Variants in ZNF804A observed in about 807,000 individuals in gnomAD.
The protein encoded by ZNF804A is zinc finger protein 804A.
Under a neutral mutation model 16.5 loss-of-function variants are expected in ZNF804A, and 2 were observed. The observed-to-expected ratio is 0.12, with a 90% CI of 0.05 to 0.38. The LOEUF (loss-of-function observed/expected upper bound fraction) is 0.38. Among genes scored for constraint, ZNF804A ranks in the 10% least tolerant of loss-of-function variants. The pLI, the probability that ZNF804A is intolerant of heterozygous loss-of-function variation, is 0.99. For synonymous variants in ZNF804A, 534 were observed against 489.6 expected (o/e 1.09, Z -1.20); for missense variants, 1,473 against 1,390.7 (o/e 1.06, Z -0.94).
intron 1 of ZNF804A, among the ~76,000 whole-genome samples, chr2:184,655,675 T>A (rs1169526341): frequency 1.3e-5 from 2 of 152,140 alleles, no homozygotes; most frequent in Non-Finnish European, 2.9e-5. Flanking sequence ...AATGGAATTC[T>A]CTAGAGGTTT....
At chr2:184,611,266 C>T (rs1691233482) in intron 1 of ZNF804A, among the ~76,000 whole-genome samples, 1 of 152,088 alleles carries the variant, frequency 6.6e-6, no homozygotes, top group Admixed American at 6.5e-5. Context: ...CTTAGAATTT[C>T]AACATATACT....
chr2:184,726,190 TAG>T (rs899279334), intron 1 of ZNF804A, among the ~76,000 whole-genome samples: 1 of 151,716 alleles, frequency 6.6e-6, no homozygotes, highest in Non-Finnish European at 1.5e-5. Flanking sequence ...TGCGTATTTC[TAG>T]AGTTTTAAGA....
At chr2:184,861,216 G>A (rs1695795967) in intron 1 of ZNF804A, among the ~76,000 whole-genome samples, 1 of 152,160 alleles carries the variant, frequency 6.6e-6, no homozygotes, top group South Asian at 2.1e-4. Flanking sequence ...TTCCTCATGT[G>A]GAAAATATAT....
At chr2:184,743,971 T>C (rs1278342101) in intron 1 of ZNF804A, among the ~76,000 whole-genome samples, 2 of 151,938 alleles carry the variant, frequency 1.3e-5, no homozygotes, top group Admixed American at 6.6e-5. Context: ...CATCATTATA[T>C]TGACATCTAT....
chr2:184,692,694 T>C, intron 1 of ZNF804A, among the ~76,000 whole-genome samples: 1 of 152,292 alleles, frequency 6.6e-6, no homozygotes, highest in East Asian at 1.9e-4. Context: ...ATAAGGGTAT[T>C]TAATTATTCA....
intron 1 of ZNF804A, among the ~76,000 whole-genome samples, chr2:184,656,124 G>A (rs948138497): frequency 6.6e-6 from 1 of 151,952 alleles, no homozygotes; most frequent in African/African-American, 2.4e-5. Flanking sequence ...GTTTTCCTTT[G>A]TCGGTAGAAT....
At chr2:184,640,230 G>A (rs1691772590) in intron 1 of ZNF804A, among the ~76,000 whole-genome samples, 1 of 151,554 alleles carries the variant, frequency 6.6e-6, no homozygotes, top group Admixed American at 6.6e-5. Flanking sequence ...AGAAGGAGGA[G>A]GAGGAGGAGG....
Position 184,806,432 on chromosome 2 carries a change from A to G in ZNF804A, c.112-59937A>G, listed in dbSNP as rs186596912. ...ATAAACATTTCATCAACATTTAAAA[A>G]ACTGATTTCTTAATTATATTTCTCT... is the stretch of plus-strand genomic sequence containing the variant. On this transcript the variant is annotated intron_variant, in intron 1 of 3. Coordinates refer to ENST00000302277, the MANE Select transcript of ZNF804A (RefSeq NM_194250.2). Among the ~76,000 whole-genome samples the G allele has an allele frequency of 1.2e-4, 18 of 151,972 alleles. No homozygotes were observed. The East Asian group carries it at 3.5e-3, about 29-fold the overall frequency.
intron 1 of ZNF804A, among the ~76,000 whole-genome samples, chr2:184,725,187 G>C (rs546517824): frequency 6.6e-6 from 1 of 151,652 alleles, no homozygotes; most frequent in East Asian, 1.9e-4. Flanking sequence ...CCTCCTATAA[G>C]AAGAGAATAA....
At chr2:184,891,093 A>G (rs1486914906) in intron 2 of ZNF804A, among the ~76,000 whole-genome samples, 1 of 152,138 alleles carries the variant, frequency 6.6e-6, no homozygotes, top group Admixed American at 6.5e-5. Context: ...ATCTTGTATT[A>G]AAAATTCAAA....
At chr2:184,928,136 T>C (rs1685638190) in intron 2 of ZNF804A, among the ~76,000 whole-genome samples, 1 of 152,136 alleles carries the variant, frequency 6.6e-6, no homozygotes, top group African/African-American at 2.4e-5. Flanking sequence ...GCCCACGAAG[T>C]ACTACCTGGG....
intron 3 of ZNF804A, among the ~76,000 whole-genome samples, chr2:184,934,380 C>T (rs1685752038): frequency 1.3e-5 from 2 of 152,082 alleles, no homozygotes; most frequent in African/African-American, 2.4e-5. Flanking sequence ...CTTTGTTTCT[C>T]CAATCAATAA....
intron 1 of ZNF804A, among the ~76,000 whole-genome samples, chr2:184,789,508 T>A (rs1015325258): frequency 1.3e-5 from 2 of 152,072 alleles, no homozygotes; most frequent in Non-Finnish European, 2.9e-5. Context: ...TCATTCAATT[T>A]CATTACTTGC....
chr2:184,727,645 A>G (rs1693435565), intron 1 of ZNF804A, among the ~76,000 whole-genome samples: 2 of 151,688 alleles, frequency 1.3e-5, no homozygotes. Context: ...ATTTAAACAT[A>G]ACTAGAAATA....
intron 1 of ZNF804A, among the ~76,000 whole-genome samples, chr2:184,720,868 A>C (rs550271108): frequency 6.6e-6 from 1 of 152,280 alleles, no homozygotes; most frequent in Admixed American, 6.5e-5. Context: ...ATAGTAACCA[A>C]ACAGCATAAT....
intron 1 of ZNF804A, among the ~76,000 whole-genome samples, chr2:184,724,068 C>T (rs1035155191): frequency 1.3e-5 from 2 of 151,502 alleles, no homozygotes; most frequent in Non-Finnish European, 3.0e-5. Flanking sequence ...TGTGCTTATT[C>T]TTTTACTTCT....
intron 2 of ZNF804A, among the ~76,000 whole-genome samples, chr2:184,879,226 G>A (rs1429427): frequency 0.43 from 65,169 of 151,606 alleles, 16,863 homozygotes; most frequent in East Asian, 0.82. Context: ...GGTAATTTGA[G>A]GTTGAAAATA....
intron 1 of ZNF804A, among the ~76,000 whole-genome samples, chr2:184,816,683 G>A (rs16826213): frequency 0.036 from 5,543 of 151,896 alleles, 329 homozygotes; most frequent in African/African-American, 0.12. Flanking sequence ...CAATGTTACC[G>A]TTATCTCCCC....
intron 1 of ZNF804A, among the ~76,000 whole-genome samples, chr2:184,691,596 T>C (rs1692726112): frequency 6.6e-6 from 1 of 151,806 alleles, no homozygotes; most frequent in Non-Finnish European, 1.5e-5. Context: ...ATATCCAATG[T>C]TCCTGAAAAT....
Sources: allele counts gnomAD v4.1 joint callset (sites outside exome capture counted in the v4.1 genomes callset), GRCh38; gene constraint gnomAD v4.1.1; transcripts MANE v1.5; gene names NCBI Gene and HGNC (gene_info 2026-07-23, HGNC 2026-07-21).